ADAMTS12: variants seen among roughly 807,000 people sequenced by gnomAD.
ADAMTS12 encodes ADAM metallopeptidase with thrombospondin type 1 motif 12.
Under a neutral mutation model 167.8 loss-of-function variants are expected in ADAMTS12, and 118 were observed. The ratio of observed to expected loss-of-function variants is 0.70; its 90% CI spans 0.61 to 0.82. ADAMTS12 has a LOEUF of 0.82. Ranked by LOEUF, ADAMTS12 falls within the 40% of genes least tolerant of loss-of-function variation. ADAMTS12 has a pLI of 0.00. For missense variants in ADAMTS12, 1,916 were observed against 1,998.8 expected, an observed-to-expected ratio of 0.96 and a Z score of 0.79; for synonymous variants, 704 against 716.9, an observed-to-expected ratio of 0.98 and a Z score of 0.29.
chr5:33,812,000 C>T (rs2112488646), intron 2 of ADAMTS12, among the ~76,000 whole-genome samples: 1 of 152,294 alleles, frequency 6.6e-6, no homozygotes, highest in East Asian at 1.9e-4. Flanking sequence ...AAAGATTTGT[C>T]AGCAGCTTGG....
At chr5:33,702,746 G>A (rs1163201464) in intron 3 of ADAMTS12, among the ~76,000 whole-genome samples, 2 of 152,146 alleles carry the variant, frequency 1.3e-5, no homozygotes, top group East Asian at 3.8e-4. Flanking sequence ...TCCTTTAGAA[G>A]GCAGGTCCAG....
At chr5:33,846,698 T>C (rs1253260806) in intron 2 of ADAMTS12, among the ~76,000 whole-genome samples, 3 of 152,226 alleles carry the variant, frequency 2.0e-5, no homozygotes, top group Admixed American at 6.5e-5. Flanking sequence ...TCAATAGTAG[T>C]AAACACCTTG....
At chr5:33,755,056 G>C (rs965080998) in intron 2 of ADAMTS12, among the ~76,000 whole-genome samples, 1 of 152,144 alleles carries the variant, frequency 6.6e-6, no homozygotes, top group African/African-American at 2.4e-5. Flanking sequence ...GCAGCTGAGA[G>C]ACTCCCTGTT....
chr5:33,835,945 C>CTT (rs1387432615), intron 2 of ADAMTS12, among the ~76,000 whole-genome samples: 1 of 41,962 alleles, frequency 2.4e-5, no homozygotes, highest in African/African-American at 7.3e-5. Flanking sequence ...CTCTCTCTCT[C>CTT]TCTCTCTCTG....
chr5:33,704,327 T>C (rs1275820732), intron 3 of ADAMTS12, among the ~76,000 whole-genome samples: 1 of 152,206 alleles, frequency 6.6e-6, no homozygotes, highest in Non-Finnish European at 1.5e-5. Context: ...AGATATCTCT[T>C]GAAGATCCAG....
intron 2 of ADAMTS12, among the ~76,000 whole-genome samples, chr5:33,785,503 GACAA>G (rs1746295520): frequency 6.6e-6 from 1 of 152,014 alleles, no homozygotes. Context: ...TCAAACTCAA[GACAA>G]ACTACGAAAT....
intron 7 of ADAMTS12, among the ~76,000 whole-genome samples, chr5:33,654,874 T>TGTGTG (rs1740990646): frequency 7.1e-6 from 1 of 141,568 alleles, no homozygotes; most frequent in Non-Finnish European, 1.5e-5. Context: ...GTGGGTGATT[T>TGTGTG]TGTGTGTGTG....
chr5:33,805,154 A>C (rs1204208199), intron 2 of ADAMTS12, among the ~76,000 whole-genome samples: 1 of 152,202 alleles, frequency 6.6e-6, no homozygotes, highest in Non-Finnish European at 1.5e-5. Context: ...TGCTTTATAC[A>C]CAGCCCTGGG....
At chr5:33,586,465 C>CA (rs993614961) in intron 18 of ADAMTS12, among the ~76,000 whole-genome samples, 8 of 152,230 alleles carry the variant, frequency 5.3e-5, no homozygotes, top group Admixed American at 4.6e-4. Flanking sequence ...ATTGACTATG[C>CA]AATGGCCTAC....
intron 2 of ADAMTS12, among the ~76,000 whole-genome samples, chr5:33,841,179 A>G (rs1235878896): frequency 6.6e-6 from 1 of 152,080 alleles, no homozygotes; most frequent in Non-Finnish European, 1.5e-5. Context: ...AGCCCTTACC[A>G]GTACTGCTAG....
intron 5 of ADAMTS12, among the ~76,000 whole-genome samples, chr5:33,681,558 C>T (rs1742114213): frequency 6.6e-6 from 1 of 152,180 alleles, no homozygotes; most frequent in Non-Finnish European, 1.5e-5. Context: ...AAGCCATTAT[C>T]ACATTCTGGT....
intron 3 of ADAMTS12, 34 bp from the exon 4 acceptor site, chr5:33,684,089 T>G: frequency 2.2e-6 from 3 of 1,373,362 alleles, no homozygotes; most frequent in Non-Finnish European, 2.9e-6. Flanking sequence ...GGTCTAACAC[T>G]GTATATGTCT....
chr5:33,622,931 G>A (rs750522354), intron 14 of ADAMTS12, among the ~76,000 whole-genome samples: 1 of 152,104 alleles, frequency 6.6e-6, no homozygotes, highest in Non-Finnish European at 1.5e-5. Flanking sequence ...TCTTCCAGTG[G>A]TAATTCTCAT....
chr5:33,811,789 A>G (rs1747470558), intron 2 of ADAMTS12, among the ~76,000 whole-genome samples: 1 of 152,190 alleles, frequency 6.6e-6, no homozygotes, highest in African/African-American at 2.4e-5. Flanking sequence ...CTGAGAAACC[A>G]GGTAGGAGAT....
At chr5:33,817,012 A>G (rs1747683651) in intron 2 of ADAMTS12, among the ~76,000 whole-genome samples, 1 of 152,192 alleles carries the variant, frequency 6.6e-6, no homozygotes, top group East Asian at 1.9e-4. Flanking sequence ...TCAAGAATGA[A>G]AAACAAACAG....
At chr5:33,658,980 G>A (rs1038286759) in intron 6 of ADAMTS12, among the ~76,000 whole-genome samples, 1 of 152,088 alleles carries the variant, frequency 6.6e-6, no homozygotes, top group African/African-American at 2.4e-5. Context: ...TTTCAATCAC[G>A]GACAAGACTT....
At chr5:33,629,466 C>A (rs1379657865) in intron 13 of ADAMTS12, among the ~76,000 whole-genome samples, 1 of 152,112 alleles carries the variant, frequency 6.6e-6, no homozygotes, top group Non-Finnish European at 1.5e-5. Flanking sequence ...CATATATTAC[C>A]TGTGAAAGTT....
chr5:33,692,625 C>A (rs1183032900), intron 3 of ADAMTS12, among the ~76,000 whole-genome samples: 2 of 152,066 alleles, frequency 1.3e-5, no homozygotes, highest in South Asian at 4.2e-4. Context: ...CTTAACTCTC[C>A]CCTTCATGTT....
chr5:33,596,864 G>GT (rs1737912237), intron 16 of ADAMTS12, among the ~76,000 whole-genome samples: 1 of 152,164 alleles, frequency 6.6e-6, no homozygotes. Context: ...GAGATGTTAT[G>GT]TTTTTTAAAA....
Sources: allele counts gnomAD v4.1 joint callset (sites outside exome capture counted in the v4.1 genomes callset), GRCh38; gene constraint gnomAD v4.1.1; transcripts MANE v1.5; gene names NCBI Gene and HGNC (gene_info 2026-07-23, HGNC 2026-07-21).